The following ARHGEF28 variants were observed in gnomAD, a reference collection of about 807,000 sequenced individuals.
The protein encoded by ARHGEF28 is 190 kDa guanine nucleotide exchange factor.
ARHGEF28 carries 152 observed loss-of-function variants against 206.6 expected under a neutral mutation model. The ratio of observed to expected loss-of-function variants is 0.74; its 90% CI spans 0.64 to 0.84. The LOEUF (loss-of-function observed/expected upper bound fraction) is 0.84, where lower values mean the gene tolerates loss of function less well. ARHGEF28 is among the 40% of genes least tolerant of loss of function. The probability of loss-of-function intolerance (pLI) is 0.00; values close to 1 mark genes in which losing one functional copy is unlikely to be tolerated. For synonymous variants in ARHGEF28, 763 were observed against 776.4 expected (o/e 0.98, Z 0.29); for missense variants, 2,028 against 2,073.2 (o/e 0.98, Z 0.42).
chr5:73,740,148 G>A (rs1751292286), intron 2 of ARHGEF28, among the ~76,000 whole-genome samples: 1 of 141,980 alleles, frequency 7.0e-6, no homozygotes, highest in Non-Finnish European at 1.5e-5. Context: ...CTGTACTCCA[G>A]CTTGGGTGAT....
At chr5:73,891,752 T>C (rs1761652947) in intron 26 of ARHGEF28, among the ~76,000 whole-genome samples, 1 of 152,132 alleles carries the variant, frequency 6.6e-6, no homozygotes, top group Admixed American at 6.6e-5. Flanking sequence ...CTTGAACTGC[T>C]GACCTCAAGT....
In ARHGEF28 at chr5:73,791,836, C is replaced by G. The variant is rs1401276016; in HGVS notation, c.911-2566C>G. ...GCAAGTCTGATTTAGAGGAGTAATC[C>G]TTACTTCTGGGTGGGCTTGAGGGCA... On this transcript the variant is annotated intron_variant, in intron 7 of 35. Coordinates refer to ENST00000513042, the MANE Select transcript of ARHGEF28 (RefSeq NM_001177693.2). 2.6e-5 allele frequency among the ~76,000 whole-genome samples: 4 copies of G among 151,930 alleles called. No homozygotes were observed. In the South Asian group the frequency reaches 8.3e-4, roughly 32 times the overall value.
At chr5:73,939,648 T>C (rs1742470246) in intron 35 of ARHGEF28, among the ~76,000 whole-genome samples, 1 of 152,188 alleles carries the variant, frequency 6.6e-6, no homozygotes, top group Admixed American at 6.5e-5. Context: ...TGAAATGAGG[T>C]GTGGCAAGGC....
At chr5:73,856,075 G>A (rs1759015915) in intron 14 of ARHGEF28, among the ~76,000 whole-genome samples, 1 of 151,440 alleles carries the variant, frequency 6.6e-6, no homozygotes, top group African/African-American at 2.4e-5. Context: ...TCTAAGAGAG[G>A]AGTCTTTTCA....
intron 1 of ARHGEF28, among the ~76,000 whole-genome samples, chr5:73,681,409 G>A (rs1346043743): frequency 6.6e-6 from 1 of 152,114 alleles, no homozygotes; most frequent in Non-Finnish European, 1.5e-5. Flanking sequence ...TGGGTGGCTG[G>A]TGAACAATTT....
intron 2 of ARHGEF28, among the ~76,000 whole-genome samples, chr5:73,711,778 C>CT (rs1408571350): frequency 6.6e-6 from 1 of 151,814 alleles, no homozygotes; most frequent in Non-Finnish European, 1.5e-5. Flanking sequence ...ATCATGTCAT[C>CT]TACAAATACA....
intron 10 of ARHGEF28, among the ~76,000 whole-genome samples, chr5:73,838,044 A>G (rs1192935716): frequency 6.6e-6 from 1 of 152,164 alleles, no homozygotes; most frequent in Non-Finnish European, 1.5e-5. Context: ...CGGCCAAGAT[A>G]TAATTTTTAT....
intron 9 of ARHGEF28, among the ~76,000 whole-genome samples, chr5:73,801,213 G>C (rs542487735): frequency 6.6e-6 from 1 of 152,160 alleles, no homozygotes; most frequent in African/African-American, 2.4e-5. Context: ...TTGGGAGGCC[G>C]AGGCAGGCGG....
chr5:73,846,969 G>A (rs1057244956), intron 12 of ARHGEF28, among the ~76,000 whole-genome samples: 1 of 152,154 alleles, frequency 6.6e-6, no homozygotes, highest in Non-Finnish European at 1.5e-5. Flanking sequence ...TTCCATAGGA[G>A]CCAGGTTTTA....
intron 1 of ARHGEF28, among the ~76,000 whole-genome samples, chr5:73,628,439 C>T (rs925567438): frequency 6.6e-6 from 1 of 152,134 alleles, no homozygotes; most frequent in Admixed American, 6.5e-5. Flanking sequence ...TTGGGCATGG[C>T]TAGGATGGTA....
At chr5:73,755,960 T>C (rs771441956) in intron 4 of ARHGEF28, among the ~76,000 whole-genome samples, 1 of 152,220 alleles carries the variant, frequency 6.6e-6, no homozygotes, top group Non-Finnish European at 1.5e-5. Flanking sequence ...AGAGAAAAAC[T>C]GGAGTGGTTT....
chr5:73,813,765 T>C (rs750718725), intron 9 of ARHGEF28: 4 of 1,387,718 alleles, frequency 2.9e-6, no homozygotes, highest in Non-Finnish European at 3.9e-6. Context: ...GTTTTTCCAA[T>C]GTAGCGCGTG....
chr5:73,913,717 G>A (rs1017897419), intron 35 of ARHGEF28, among the ~76,000 whole-genome samples: 1 of 152,136 alleles, frequency 6.6e-6, no homozygotes, highest in Admixed American at 6.5e-5. Flanking sequence ...GCTGAATCTG[G>A]GTGAGTGGCC....
intron 2 of ARHGEF28, among the ~76,000 whole-genome samples, chr5:73,748,740 G>A (rs907062704): frequency 6.6e-5 from 10 of 152,108 alleles, no homozygotes; most frequent in African/African-American, 1.2e-4. Flanking sequence ...CAAAGTGGGC[G>A]ACCCTTTCCA....
intron 9 of ARHGEF28, among the ~76,000 whole-genome samples, chr5:73,815,339 G>C (rs1463938468): frequency 1.3e-5 from 2 of 151,790 alleles, no homozygotes; most frequent in Non-Finnish European, 2.9e-5. Flanking sequence ...TATTCTTTCA[G>C]CTTTTTTAAA....
At chr5:73,894,943 G>C (rs1286737938) in intron 29 of ARHGEF28, among the ~76,000 whole-genome samples, 1 of 151,956 alleles carries the variant, frequency 6.6e-6, no homozygotes, top group South Asian at 2.1e-4. Context: ...GGAATGGCCG[G>C]CACAAAGGTC....
intron 4 of ARHGEF28, among the ~76,000 whole-genome samples, chr5:73,756,076 T>G (rs1035562516): frequency 5.9e-5 from 9 of 152,232 alleles, no homozygotes; most frequent in African/African-American, 1.9e-4. Context: ...GCTGTGAGAC[T>G]TGGGCAAGGT....
chr5:73,644,463 G>T lies in ARHGEF28; in HGVS notation c.-12+18141G>T, dbSNP rs189145580. Among the ~76,000 whole-genome samples, 89 of 152,274 alleles carry T rather than the reference G, an allele frequency of 5.8e-4. 1 individual carries two copies. The highest frequency in any genetic ancestry group is 2.1e-3 in the African/African-American group (88 of 41,576). ...CCATCCATACTCCACTCTGCTGTCA[G>T]CACGAAGTTTCTAAAATGCAAACCT... On this transcript the variant is annotated intron_variant, in intron 1 of 35. Transcript: ENST00000513042.
chr5:73,925,333 TC>T (rs1353895404), intron 35 of ARHGEF28, among the ~76,000 whole-genome samples: 1 of 152,164 alleles, frequency 6.6e-6, no homozygotes, highest in Non-Finnish European at 1.5e-5. Context: ...CACCCCCACA[TC>T]CCCAACCTTT....
Sources: allele counts gnomAD v4.1 joint callset (sites outside exome capture counted in the v4.1 genomes callset), GRCh38; gene constraint gnomAD v4.1.1; transcripts MANE v1.5; gene names NCBI Gene and HGNC (gene_info 2026-07-23, HGNC 2026-07-21).